The following HS3ST4 variants were observed in gnomAD, a reference collection of about 807,000 sequenced individuals.
HS3ST4 encodes heparan sulfate-glucosamine 3-sulfotransferase 4, also known as heparan sulfate glucosamine 3-O-sulfotransferase 4.
HS3ST4 carries 17 observed loss-of-function variants against 29.2 expected under a neutral mutation model. The ratio of observed to expected loss-of-function variants is 0.58; its 90% CI spans 0.40 to 0.87. The LOEUF (loss-of-function observed/expected upper bound fraction) is 0.87. HS3ST4 is among the 40% of genes least tolerant of loss of function. HS3ST4 has a pLI of 0.00. For missense variants in HS3ST4, 627 were observed against 634.5 expected, an observed-to-expected ratio of 0.99 and a Z score of 0.13; for synonymous variants, 314 against 285.7, an observed-to-expected ratio of 1.10 and a Z score of -1.00.
intron 1 of HS3ST4, among the ~76,000 whole-genome samples, chr16:25,927,486 G>C (rs1167437273): frequency 6.6e-6 from 1 of 152,154 alleles, no homozygotes; most frequent in South Asian, 2.1e-4. Flanking sequence ...TCTCTTTCGG[G>C]ACTAGGGCTG....
At chr16:26,000,835 C>T (rs953932427) in intron 1 of HS3ST4, among the ~76,000 whole-genome samples, 1 of 152,078 alleles carries the variant, frequency 6.6e-6, no homozygotes, top group African/African-American at 2.4e-5. Flanking sequence ...TGTGGTATTC[C>T]TTCCACTGGG....
chr16:25,718,333 A>G (rs979756807), intron 1 of HS3ST4, among the ~76,000 whole-genome samples: 1 of 152,102 alleles, frequency 6.6e-6, no homozygotes, highest in African/African-American at 2.4e-5. Context: ...GCACGATGAG[A>G]TTCCTTTTCA....
intron 1 of HS3ST4, among the ~76,000 whole-genome samples, chr16:25,771,454 C>T (rs1218762254): frequency 6.6e-6 from 1 of 152,006 alleles, no homozygotes; most frequent in African/African-American, 2.4e-5. Context: ...GATTTCCTAC[C>T]CCAGGGCCTT....
intron 1 of HS3ST4, among the ~76,000 whole-genome samples, chr16:26,118,397 C>G (rs1435284468): frequency 6.6e-6 from 1 of 152,112 alleles, no homozygotes; most frequent in Non-Finnish European, 1.5e-5. Flanking sequence ...CTAGAGATGA[C>G]TTTTAAGTTG....
At position 26,075,096 on chromosome 16, in the gene HS3ST4, G is replaced by A. The variant is rs140095812; in HGVS notation, c.735-60516G>A. ...TAGTCCCAGCTACGCAGGAGGCTGA[G>A]GCAGGAGAATCGCTTGAACCCGGGA... On this transcript the variant is annotated intron_variant, in intron 1 of 1. Transcript: ENST00000331351. 6.0e-4 allele frequency among the ~76,000 whole-genome samples: 92 copies of A among 152,332 alleles called. 3 individuals are homozygous for A. The highest frequency in any genetic ancestry group is 2.1e-3 in the African/African-American group (87 of 41,588).
At chr16:26,112,052 AATTTAT>A (rs1899138546) in intron 1 of HS3ST4, among the ~76,000 whole-genome samples, 1 of 151,724 alleles carries the variant, frequency 6.6e-6, no homozygotes, top group Admixed American at 6.6e-5. Context: ...GCCCTGCCAC[AATTTAT>A]ATTTATAAAC....
At chr16:25,720,712 A>T (rs184652316) in intron 1 of HS3ST4, among the ~76,000 whole-genome samples, 2 of 152,236 alleles carry the variant, frequency 1.3e-5, no homozygotes, top group African/African-American at 4.8e-5. Flanking sequence ...TTGGAAGATT[A>T]TGTCTGGGTT....
chr16:25,780,039 G>A (rs1003704987), intron 1 of HS3ST4, among the ~76,000 whole-genome samples: 4 of 152,154 alleles, frequency 2.6e-5, no homozygotes, highest in East Asian at 1.9e-4. Context: ...GCAAGCGGGC[G>A]CACAAGTGTG....
At chr16:26,131,797 C>A (rs990815773) in intron 1 of HS3ST4, among the ~76,000 whole-genome samples, 1 of 152,144 alleles carries the variant, frequency 6.6e-6, no homozygotes, top group South Asian at 2.1e-4. Flanking sequence ...ACAACAAAAA[C>A]CTAGCATTAG....
chr16:26,112,117 A>G (rs2141803990), intron 1 of HS3ST4, among the ~76,000 whole-genome samples: 1 of 152,130 alleles, frequency 6.6e-6, no homozygotes, highest in South Asian at 2.1e-4. Flanking sequence ...TAAATGAAGG[A>G]GTGCACTAGC....
chr16:25,701,113 G>A (rs1441748562), intron 1 of HS3ST4, among the ~76,000 whole-genome samples: 1 of 152,148 alleles, frequency 6.6e-6, no homozygotes, highest in Admixed American at 6.5e-5. Flanking sequence ...ATTCTTTGCC[G>A]TGTTTGTCTC....
At chr16:25,745,803 C>G (rs1277454537) in intron 1 of HS3ST4, among the ~76,000 whole-genome samples, 1 of 152,130 alleles carries the variant, frequency 6.6e-6, no homozygotes, top group Admixed American at 6.6e-5. Context: ...TGGAAATTCA[C>G]CAATCTACAT....
At chr16:26,075,185 C>G (rs962102884) in intron 1 of HS3ST4, among the ~76,000 whole-genome samples, 3 of 151,934 alleles carry the variant, frequency 2.0e-5, no homozygotes, top group African/African-American at 4.8e-5. Context: ...GAGTGAGACT[C>G]TGTCTCAAAA....
At chr16:25,720,573 CT>C (rs1488867694) in intron 1 of HS3ST4, among the ~76,000 whole-genome samples, 1 of 152,116 alleles carries the variant, frequency 6.6e-6, no homozygotes, top group Non-Finnish European at 1.5e-5. Context: ...TCTAAGGCTC[CT>C]TCCCTTCATT....
At chr16:25,861,351 A>G (rs145794854) in intron 1 of HS3ST4, among the ~76,000 whole-genome samples, 1 of 152,284 alleles carries the variant, frequency 6.6e-6, no homozygotes, top group East Asian at 1.9e-4. Context: ...AGCTGTTTCA[A>G]TGACCCTCTG....
Position 25,864,392 on chromosome 16 carries a change from T to TG in HS3ST4, c.734+171242dup, listed in dbSNP as rs201180610. Among the ~76,000 whole-genome samples the TG allele has an allele frequency of 9.9e-3, 1,436 of 144,978 alleles. 16 individuals are homozygous for TG. The highest frequency in any genetic ancestry group is 0.036 in the African/African-American group (1,369 of 38,400). Reference sequence around the variant, plus strand: ...TATTAGGTTGGTGCAAAAGTAATTGTGTTTTTTTTTGCCATTTAAAAGTAG... The same window carrying TG: ...TATTAGGTTGGTGCAAAAGTAATTGTGGTTTTTTTTTGCCATTTAAAAGTAG... On this transcript the variant is annotated intron_variant, in intron 1 of 1. Coordinates refer to ENST00000331351, the MANE Select transcript of HS3ST4 (RefSeq NM_006040.3).
At chr16:25,986,482 AG>A (rs1969064674) in intron 1 of HS3ST4, among the ~76,000 whole-genome samples, 1 of 152,226 alleles carries the variant, frequency 6.6e-6, no homozygotes, top group African/African-American at 2.4e-5. Flanking sequence ...GCGTGACCTA[AG>A]CCCAAATTCT....
chr16:25,756,403 A>G (rs1966759156), intron 1 of HS3ST4, among the ~76,000 whole-genome samples: 1 of 152,136 alleles, frequency 6.6e-6, no homozygotes, highest in Non-Finnish European at 1.5e-5. Flanking sequence ...TAAAAGCTGA[A>G]CTGTTAAATA....
At chr16:25,730,068 T>C (rs767917884) in intron 1 of HS3ST4, among the ~76,000 whole-genome samples, 4 of 152,210 alleles carry the variant, frequency 2.6e-5, no homozygotes, top group Non-Finnish European at 5.9e-5. Context: ...TGGATGGTTT[T>C]ATCAAAGAAG....
Sources: allele counts gnomAD v4.1 joint callset (sites outside exome capture counted in the v4.1 genomes callset), GRCh38; gene constraint gnomAD v4.1.1; transcripts MANE v1.5; gene names NCBI Gene and HGNC (gene_info 2026-07-23, HGNC 2026-07-21).